Variants in TLN2 observed in about 807,000 individuals in gnomAD.
TLN2 encodes the protein talin-2.
TLN2 carries 118 observed loss-of-function variants against 294.7 expected under a neutral mutation model. The ratio of observed to expected loss-of-function variants is 0.40; its 90% CI spans 0.34 to 0.47. The LOEUF (loss-of-function observed/expected upper bound fraction) is 0.47. Ranked by LOEUF, TLN2 falls within the 20% of genes least tolerant of loss-of-function variation. The pLI is 0.84. For missense variants in TLN2, 3,083 were observed against 3,282.2 expected (o/e 0.94, Z 1.48); for synonymous variants, 1,431 against 1,304.5 (o/e 1.10, Z -2.09).
intron 19 of TLN2, among the ~76,000 whole-genome samples, chr15:62,703,690 G>C (rs547414540): frequency 2.6e-5 from 4 of 152,132 alleles, no homozygotes; most frequent in South Asian, 4.2e-4. Flanking sequence ...CTCAGAGGTG[G>C]TTTATTTTTT....
chr15:62,610,512 C>G (rs936614201), intron 2 of TLN2, among the ~76,000 whole-genome samples: 5 of 152,202 alleles, frequency 3.3e-5, no homozygotes, highest in African/African-American at 1.2e-4. Context: ...TACATCACAG[C>G]CTCCTTCTGC....
Position 62,477,183 on chromosome 15 carries a change from C to G in TLN2, c.-238+86498C>G, listed in dbSNP as rs537941139. Among the ~76,000 whole-genome samples the G allele has an allele frequency of 9.0e-4, 137 of 152,294 alleles. 2 individuals are homozygous for G. The South Asian group carries it at 0.027, about 30-fold the overall frequency. On this transcript the variant is annotated intron_variant, in intron 1 of 58. Coordinates refer to ENST00000636159, the MANE Select transcript of TLN2 (RefSeq NM_015059.3). ...TGGGCAGAGTGCTTTGTTCTAATTACTCTAAAGCATCCTGGGCATCTTGTT... is the reference window on the plus strand; with the variant it reads ...TGGGCAGAGTGCTTTGTTCTAATTAGTCTAAAGCATCCTGGGCATCTTGTT...
chr15:62,531,093 G>T (rs1596031492), intron 1 of TLN2, among the ~76,000 whole-genome samples: 1 of 152,156 alleles, frequency 6.6e-6, no homozygotes, highest in African/African-American at 2.4e-5. Flanking sequence ...TTACCCAAAA[G>T]ATTTGAAGTC....
chr15:62,542,534 C>G (rs1232745171), intron 1 of TLN2, among the ~76,000 whole-genome samples: 1 of 152,150 alleles, frequency 6.6e-6, no homozygotes, highest in Non-Finnish European at 1.5e-5. Flanking sequence ...GCAACTGAAA[C>G]TGCAGATAAC....
chr15:62,509,918 G>T (rs2039842974), intron 1 of TLN2, among the ~76,000 whole-genome samples: 1 of 152,156 alleles, frequency 6.6e-6, no homozygotes, highest in African/African-American at 2.4e-5. Flanking sequence ...GTCAGAAAAA[G>T]AAATATTTAG....
chr15:62,471,277 C>T (rs770778332), intron 1 of TLN2, among the ~76,000 whole-genome samples: 9 of 152,100 alleles, frequency 5.9e-5, no homozygotes, highest in Non-Finnish European at 1.2e-4. Flanking sequence ...AGGTCGAGGT[C>T]GAGGCTGCAG....
At chr15:62,657,376 A>G (rs777561481) in intron 8 of TLN2, among the ~76,000 whole-genome samples, 21 of 152,006 alleles carry the variant, frequency 1.4e-4, no homozygotes, top group Non-Finnish European at 2.6e-4. Context: ...TTACCTCTAG[A>G]TATTTGATTA....
chr15:62,446,240 C>T (rs774921402), intron 1 of TLN2, among the ~76,000 whole-genome samples: 85 of 151,614 alleles, frequency 5.6e-4, no homozygotes, highest in Non-Finnish European at 1.0e-3. Context: ...CCTCGTCATC[C>T]GCCCGTCTCC....
At chr15:62,465,422 A>G (rs1023455553) in intron 1 of TLN2, among the ~76,000 whole-genome samples, 1 of 152,118 alleles carries the variant, frequency 6.6e-6, no homozygotes, top group Admixed American at 6.5e-5. Flanking sequence ...AGGCAGTGAA[A>G]ACCGTAATCC....
At chr15:62,719,566 G>C (rs1266614912) in intron 24 of TLN2, among the ~76,000 whole-genome samples, 2 of 152,230 alleles carry the variant, frequency 1.3e-5, no homozygotes, top group Non-Finnish European at 2.9e-5. Flanking sequence ...TAGAGTATGT[G>C]TAGAGAAAAT....
At chr15:62,405,753 G>A (rs983087288) in intron 1 of TLN2, among the ~76,000 whole-genome samples, 1 of 152,184 alleles carries the variant, frequency 6.6e-6, no homozygotes, top group East Asian at 1.9e-4. Context: ...GTGCTGCTCT[G>A]ACAGAAGGAG....
Position 62,581,935 on chromosome 15 carries a change from C to T in TLN2, c.-237-7752C>T, listed in dbSNP as rs527989142. Reference sequence around the variant, plus strand: ...GGTATGAGTCTGTAGTCCCAGCTACCCAGGAGGCTGAGGCAGGAGAATCGT... The same window carrying T: ...GGTATGAGTCTGTAGTCCCAGCTACTCAGGAGGCTGAGGCAGGAGAATCGT... On this transcript the variant is annotated intron_variant, in intron 1 of 58. Coordinates refer to ENST00000636159, the MANE Select transcript of TLN2 (RefSeq NM_015059.3). 3.3e-5 allele frequency among the ~76,000 whole-genome samples: 5 copies of T among 151,606 alleles called. No individual in the cohort carries two copies. The South Asian group carries it at 1.0e-3, about 32-fold the overall frequency.
At chr15:62,835,459 C>T (rs149594783) in intron 55 of TLN2, 33 of 524,530 alleles carry the variant, frequency 6.3e-5, no homozygotes, top group Middle Eastern at 5.2e-4. Flanking sequence ...ATTCCTGAGC[C>T]GTTTCCCAGA....
chr15:62,772,044 C>T (rs780919317), intron 42 of TLN2, among the ~76,000 whole-genome samples: 3 of 152,136 alleles, frequency 2.0e-5, no homozygotes, highest in Non-Finnish European at 2.9e-5. Context: ...CTTCCTGCCT[C>T]AGCCTCCCAA....
intron 54 of TLN2, among the ~76,000 whole-genome samples, chr15:62,826,365 C>G (rs117075697): frequency 6.6e-6 from 1 of 152,312 alleles, no homozygotes; most frequent in Admixed American, 6.5e-5. Flanking sequence ...TGAACTCGCG[C>G]GTATTCCTCG....
chr15:62,573,268 C>G (rs1441253247), intron 1 of TLN2, among the ~76,000 whole-genome samples: 3 of 152,134 alleles, frequency 2.0e-5, no homozygotes, highest in African/African-American at 4.8e-5. Context: ...GGCAGCCACC[C>G]CTGTCTTCAC....
chr15:62,436,321 G>C (rs971356680), intron 1 of TLN2, among the ~76,000 whole-genome samples: 3 of 152,228 alleles, frequency 2.0e-5, no homozygotes, highest in African/African-American at 7.2e-5. Context: ...CACTTAGGTG[G>C]AATTCAAACT....
intron 1 of TLN2, among the ~76,000 whole-genome samples, chr15:62,479,191 C>T (rs1426722399): frequency 3.3e-5 from 5 of 152,180 alleles, no homozygotes; most frequent in Admixed American, 2.6e-4. Context: ...GGATTCAAAT[C>T]CCAGCTCTGT....
At chr15:62,790,343 G>A (rs2141111291) in intron 45 of TLN2, among the ~76,000 whole-genome samples, 1 of 152,322 alleles carries the variant, frequency 6.6e-6, no homozygotes, top group East Asian at 1.9e-4. Context: ...GAGAGGGAGA[G>A]GAAGGGTTCT....
Sources: allele counts gnomAD v4.1 joint callset (sites outside exome capture counted in the v4.1 genomes callset), GRCh38; gene constraint gnomAD v4.1.1; transcripts MANE v1.5; gene names NCBI Gene and HGNC (gene_info 2026-07-23, HGNC 2026-07-21).